Variants in EYS observed in about 807,000 individuals in gnomAD.
EYS encodes the protein EGF-like photoreceptor maintenance factor.
In EYS, 250 loss-of-function variants were observed where a neutral mutation model predicts 282.1. The observed-to-expected ratio is 0.89, with a 90% CI of 0.80 to 0.98. The LOEUF is 0.98. Ranked by LOEUF, EYS falls within the 50% of genes least tolerant of loss-of-function variation. The pLI is 0.00. For missense variants in EYS, 4,016 were observed against 3,709.0 expected (o/e 1.08, Z -2.15); for synonymous variants, 1,355 against 1,282.9 (o/e 1.06, Z -1.20).
intron 4 of EYS, 45 bp downstream of exon 4, chr6:65,494,618 G>A (rs1766168214): frequency 6.8e-7 from 1 of 1,466,748 alleles, no homozygotes; most frequent in African/African-American, 1.4e-5. Context: ...TAAATGCACT[G>A]TGTTTCTCTA....
chr6:65,323,585 A>G (rs1769536417), intron 11 of EYS, among the ~76,000 whole-genome samples: 1 of 140,754 alleles, frequency 7.1e-6, no homozygotes, highest in Non-Finnish European at 1.6e-5. Flanking sequence ...TGAGATTGGT[A>G]CTGTTACCTT....
At chr6:64,529,513 TAA>T (rs1200219666) in intron 26 of EYS, among the ~76,000 whole-genome samples, 1 of 152,058 alleles carries the variant, frequency 6.6e-6, no homozygotes, top group Non-Finnish European at 1.5e-5. Context: ...TGACATTAAA[TAA>T]ATGCTTTTTC....
At chr6:64,798,617 T>G (rs1161161506) in intron 22 of EYS, among the ~76,000 whole-genome samples, 2 of 149,104 alleles carry the variant, frequency 1.3e-5, no homozygotes, top group Non-Finnish European at 3.0e-5. Flanking sequence ...GTTTTTTTTT[T>G]TTTTTTTTTT....
chr6:65,618,344 A>T (rs1017377669), intron 2 of EYS, among the ~76,000 whole-genome samples: 2 of 152,232 alleles, frequency 1.3e-5, no homozygotes, highest in East Asian at 3.8e-4. Context: ...GGCTGCATGA[A>T]TGTCTTCTTT....
chr6:64,993,842 G>A (rs1771159594), intron 14 of EYS, among the ~76,000 whole-genome samples: 1 of 148,086 alleles, frequency 6.8e-6, no homozygotes, highest in Non-Finnish European at 1.5e-5. Context: ...GTTTGTTTTT[G>A]CATCTGAATG....
intron 31 of EYS, among the ~76,000 whole-genome samples, chr6:64,133,106 G>C (rs1774037729): frequency 6.6e-6 from 1 of 151,896 alleles, no homozygotes; most frequent in Non-Finnish European, 1.5e-5. Flanking sequence ...TTATATTAAA[G>C]TCAGTCTCAG....
At chr6:64,802,870 T>C (rs1192690959) in intron 22 of EYS, among the ~76,000 whole-genome samples, 1 of 152,244 alleles carries the variant, frequency 6.6e-6, no homozygotes, top group Non-Finnish European at 1.5e-5. Flanking sequence ...TAGACTGATT[T>C]GCCACAATTA....
chr6:63,973,154 T>G (rs568440234), intron 35 of EYS, among the ~76,000 whole-genome samples: 1 of 152,276 alleles, frequency 6.6e-6, no homozygotes, highest in South Asian at 2.1e-4. Flanking sequence ...ATGGTTGAAG[T>G]AATTTACACT....
At chr6:65,472,203 A>C (rs1435111668) in intron 5 of EYS, among the ~76,000 whole-genome samples, 1 of 152,078 alleles carries the variant, frequency 6.6e-6, no homozygotes, top group Non-Finnish European at 1.5e-5. Flanking sequence ...AGAAGTGTGT[A>C]CCAATGTTGA....
intron 12 of EYS, among the ~76,000 whole-genome samples, chr6:65,195,080 T>C (rs1331171758): frequency 1.3e-5 from 2 of 152,060 alleles, no homozygotes; most frequent in Non-Finnish European, 2.9e-5. Flanking sequence ...GTGTTAAGTA[T>C]GACTTTATGT....
intron 22 of EYS, among the ~76,000 whole-genome samples, chr6:64,732,409 C>T (rs1772004650): frequency 6.6e-6 from 1 of 151,904 alleles, no homozygotes; most frequent in Non-Finnish European, 1.5e-5. Flanking sequence ...CCTGTTAGCT[C>T]ATTAATTGCA....
At chr6:65,480,277 T>G (rs150051801) in intron 5 of EYS, among the ~76,000 whole-genome samples, 54 of 152,288 alleles carry the variant, frequency 3.5e-4, no homozygotes, top group African/African-American at 1.3e-3. Context: ...TATACAGTTT[T>G]TCTACATATC....
chr6:64,617,328 C>A (rs1767305676), intron 24 of EYS, 90 bp downstream of exon 24: 3 of 842,880 alleles, frequency 3.6e-6, no homozygotes, highest in Non-Finnish European at 5.9e-6. Flanking sequence ...ACTACTCCGA[C>A]CTTATTTTTC....
intron 10 of EYS, among the ~76,000 whole-genome samples, chr6:65,341,508 G>A (rs973084336): frequency 6.6e-5 from 10 of 151,100 alleles, no homozygotes; most frequent in African/African-American, 2.4e-4. Context: ...AGAACAAAAA[G>A]GGAAAAATCC....
intron 32 of EYS, among the ~76,000 whole-genome samples, chr6:64,078,504 C>G (rs772871014): frequency 6.6e-6 from 1 of 151,956 alleles, no homozygotes; most frequent in African/African-American, 2.4e-5. Flanking sequence ...AGTAGCAACC[C>G]AGGAAACATT....
chr6:64,625,214 A>G (rs1012724974), intron 23 of EYS, among the ~76,000 whole-genome samples: 2 of 152,188 alleles, frequency 1.3e-5, no homozygotes, highest in Admixed American at 1.3e-4. Flanking sequence ...CTAAAGAAAA[A>G]AGAAGGAAAA....
At chr6:64,341,363 A>G (rs624934) in intron 29 of EYS, among the ~76,000 whole-genome samples, 87,494 of 151,664 alleles carry the variant, frequency 0.58, 26,442 homozygotes, top group Non-Finnish European at 0.67. Flanking sequence ...TTACATGGCC[A>G]TAAAAAAGAA....
intron 35 of EYS, among the ~76,000 whole-genome samples, chr6:63,926,961 A>C (rs1272811797): frequency 6.6e-6 from 1 of 152,216 alleles, no homozygotes; most frequent in East Asian, 1.9e-4. Flanking sequence ...AGAGCTTCTA[A>C]AGTAAATATT....
At chr6:63,844,628 T>C (rs74580443) in intron 36 of EYS, among the ~76,000 whole-genome samples, 1 of 152,118 alleles carries the variant, frequency 6.6e-6, no homozygotes, top group Non-Finnish European at 1.5e-5. Flanking sequence ...TTTTTTTTTT[T>C]CATATTTTTG....
Sources: allele counts gnomAD v4.1 joint callset (sites outside exome capture counted in the v4.1 genomes callset), GRCh38; gene constraint gnomAD v4.1.1; transcripts MANE v1.5; gene names NCBI Gene and HGNC (gene_info 2026-07-23, HGNC 2026-07-21).